Variants in ATG13 observed in about 807,000 individuals in gnomAD.
ATG13 encodes autophagy-related protein 13.
ATG13 carries 23 observed loss-of-function variants against 65.5 expected under a neutral mutation model. The observed-to-expected ratio is 0.35, with a 90% confidence interval of 0.25 to 0.50. The LOEUF (loss-of-function observed/expected upper bound fraction) is 0.50, where lower values mean the gene tolerates loss of function less well. Among genes scored for constraint, ATG13 ranks in the 20% least tolerant of loss-of-function variants. The probability of loss-of-function intolerance (pLI) is 0.98; values close to 1 mark genes in which losing one functional copy is unlikely to be tolerated. For synonymous variants in ATG13, 252 were observed against 245.2 expected (o/e 1.03, Z -0.26); for missense variants, 566 against 677.0 (o/e 0.84, Z 1.82).
intron 4 of ATG13, 37 bp from the exon 5 acceptor site, chr11:46,645,833 G>A: frequency 1.2e-6 from 2 of 1,613,288 alleles, no homozygotes; most frequent in African/African-American, 2.7e-5. Flanking sequence ...TAATGTTCCT[G>A]TGAGTGTTTC....
chr11:46,667,215 G>A (rs375919023), intron 14 of ATG13, among the ~76,000 whole-genome samples: 7 of 152,228 alleles, frequency 4.6e-5, no homozygotes, highest in Admixed American at 2.0e-4. Context: ...TTGAATCCCC[G>A]TTTTTGGCCA....
chr11:46,656,401 A>T (rs2060054484), intron 8 of ATG13, 128 bp downstream of exon 8: 7 of 990,456 alleles, frequency 7.1e-6, no homozygotes, highest in Non-Finnish European at 2.9e-6. Context: ...TAAAGAAAAG[A>T]TGAGAATGCA....
At position 46,657,146 on chromosome 11, in the gene ATG13, C is replaced by T. The variant is rs1318363954; in HGVS notation, c.551C>T (p.Thr184Ile). The change falls in exon 9 of 19, where the codon ACT becomes ATT. Residue 184 changes from threonine to isoleucine, a missense_variant. Coordinates refer to ENST00000683050, the MANE Select transcript of ATG13 (RefSeq NM_001346311.2). Reference sequence around the variant, plus strand: ...GTGGGCACCCCTGTGGGCACCATCACTCTTTCTTGTGCTTACAGAATTAAC... The same window carrying T: ...GTGGGCACCCCTGTGGGCACCATCATTCTTTCTTGTGCTTACAGAATTAAC... ...GTVGTPVGTI[T>I]LSCAYRINLA... 6.2e-7 allele frequency: 1 copy of T among 1,614,080 alleles called. No homozygotes were observed. The highest frequency in any genetic ancestry group is 1.7e-5 in the Admixed American group (1 of 60,004).
intron 2 of ATG13, among the ~76,000 whole-genome samples, chr11:46,634,292 G>C (rs368397334): frequency 6.6e-6 from 1 of 151,808 alleles, no homozygotes; most frequent in Admixed American, 6.6e-5. Context: ...TAGAGACGGG[G>C]TTTCACCATG....
chr11:46,642,819 T>C (rs2056480315), intron 2 of ATG13, among the ~76,000 whole-genome samples: 1 of 152,204 alleles, frequency 6.6e-6, no homozygotes, highest in South Asian at 2.1e-4. Context: ...AAGCCTTGGG[T>C]GGGCTCCCCT....
chr11:46,669,657 A>G, intron 18 of ATG13, 125 bp downstream of exon 18: 1 of 1,214,212 alleles, frequency 8.2e-7, no homozygotes, highest in African/African-American at 1.5e-5. Flanking sequence ...TTAGAAAATT[A>G]TCTTTTGATC....
intron 2 of ATG13, among the ~76,000 whole-genome samples, chr11:46,637,951 T>C (rs1329228987): frequency 6.6e-6 from 1 of 152,200 alleles, no homozygotes; most frequent in South Asian, 2.1e-4. Flanking sequence ...ATGTAGGGTA[T>C]TAAGTCCTAG....
chr11:46,646,122 GT>G (rs531356814), intron 5 of ATG13, 133 bp downstream of exon 5: 34 of 1,230,872 alleles, frequency 2.8e-5, no homozygotes, highest in East Asian at 5.2e-5. Flanking sequence ...GGGGGTCATA[GT>G]TTTTTTTGTT....
chr11:46,650,044 AC>A, intron 6 of ATG13, 132 bp from the exon 7 acceptor site: 2 of 946,136 alleles, frequency 2.1e-6, no homozygotes, highest in Non-Finnish European at 3.0e-6. Context: ...ACATTGGCTT[AC>A]CTCAGTAATC....
At position 46,637,912 on chromosome 11, in the gene ATG13, G is replaced by A. The variant is rs577683503; in HGVS notation, c.-13-6367G>A. On this transcript the variant is annotated intron_variant, in intron 2 of 18. Coordinates refer to ENST00000683050, the MANE Select transcript of ATG13 (RefSeq NM_001346311.2). ...GTGCATATTTGGCTTTCTTCAGTTG[G>A]TCCTAAGTTGGAGGACGTGGGGACC... Among the ~76,000 whole-genome samples, 13 of 152,304 alleles carry A rather than the reference G, an allele frequency of 8.5e-5. No individual in the cohort carries two copies. The South Asian group carries it at 2.1e-3, about 24-fold the overall frequency.
intron 2 of ATG13, among the ~76,000 whole-genome samples, chr11:46,641,834 C>T (rs950880435): frequency 2.0e-5 from 3 of 150,752 alleles, no homozygotes; most frequent in African/African-American, 7.3e-5. Context: ...ACCCATGGCT[C>T]ACTGCCCATG....
chr11:46,648,320 G>A (rs1334642966), intron 5 of ATG13, among the ~76,000 whole-genome samples: 1 of 152,136 alleles, frequency 6.6e-6, no homozygotes, highest in Non-Finnish European at 1.5e-5. Context: ...GAGCCACCAT[G>A]CCTGGCCCAG....
chr11:46,653,815 C>T (rs550554427), intron 7 of ATG13, among the ~76,000 whole-genome samples: 9 of 151,920 alleles, frequency 5.9e-5, no homozygotes, highest in Non-Finnish European at 5.9e-5. Flanking sequence ...ATGATCCACC[C>T]GCCTCAGACT....
At chr11:46,654,866 C>CG (rs2059696415) in intron 7 of ATG13, among the ~76,000 whole-genome samples, 1 of 148,466 alleles carries the variant, frequency 6.7e-6, no homozygotes, top group Non-Finnish European at 1.5e-5. Flanking sequence ...TGGGAGGCTA[C>CG]GGCGGGTGTA....
At chr11:46,632,831 ATTAC>A (rs1474494821) in intron 2 of ATG13, among the ~76,000 whole-genome samples, 2 of 151,308 alleles carry the variant, frequency 1.3e-5, no homozygotes, top group Non-Finnish European at 2.9e-5. Flanking sequence ...TAACATCCTT[ATTAC>A]TTGACACATC....
At chr11:46,627,063 A>C (rs1591489176) in intron 1 of ATG13, among the ~76,000 whole-genome samples, 1 of 152,136 alleles carries the variant, frequency 6.6e-6, no homozygotes, top group Non-Finnish European at 1.5e-5. Context: ...AACATGGCAA[A>C]ACCTCATCTC....
At chr11:46,663,940 CTTTTCT>C in intron 11 of ATG13, 51 bp from the exon 12 acceptor site, 1 of 1,158,658 alleles carries the variant, frequency 8.6e-7, no homozygotes, top group Non-Finnish European at 1.2e-6. Context: ...TCTCAAGTCC[CTTTTCT>C]TTTTTTTTTT....
intron 1 of ATG13, among the ~76,000 whole-genome samples, chr11:46,627,556 C>T (rs1202444805): frequency 6.6e-6 from 1 of 151,692 alleles, no homozygotes; most frequent in Non-Finnish European, 1.5e-5. Flanking sequence ...CTGCGACCTT[C>T]GCCTCCTGGG....
chr11:46,671,130 C>G (rs1390169098), intron 18 of ATG13, among the ~76,000 whole-genome samples: 1 of 152,158 alleles, frequency 6.6e-6, no homozygotes, highest in African/African-American at 2.4e-5. Flanking sequence ...AGTTCTGAGG[C>G]CTCCCTCTCC....
Sources: allele counts gnomAD v4.1 joint callset (sites outside exome capture counted in the v4.1 genomes callset), GRCh38; gene constraint gnomAD v4.1.1; transcripts MANE v1.5; gene names NCBI Gene and HGNC (gene_info 2026-07-23, HGNC 2026-07-21).